Variants in UHMK1 observed in about 807,000 individuals in gnomAD.
UHMK1 encodes U2AF homology motif kinase 1, also known as serine/threonine-protein kinase Kist.
A neutral mutation model predicts 44.0 loss-of-function variants in UHMK1; 18 were observed. The ratio of observed to expected loss-of-function variants is 0.41; its 90% CI spans 0.28 to 0.61. The LOEUF (loss-of-function observed/expected upper bound fraction) is 0.61. Among genes scored for constraint, UHMK1 ranks in the 20% least tolerant of loss-of-function variants. The probability of loss-of-function intolerance (pLI) is 0.31; values close to 1 mark genes in which losing one functional copy is unlikely to be tolerated. For synonymous variants in UHMK1, 231 were observed against 198.5 expected (o/e 1.16, Z -1.38); for missense variants, 463 against 522.5 (o/e 0.89, Z 1.11).
Position 162,500,066 on chromosome 1 carries a change from A to G in UHMK1, c.380A>G (p.His127Arg). The change falls in exon 2 of 8, where the codon CAC becomes CGC. Residue 127 changes from histidine (H) to arginine (R), a missense_variant. By Grantham distance (29) the His-to-Arg change is conservative. Around this residue, in one of 3 missense-constraint regions of UHMK1, gnomAD observed 191 missense variants for 176.0 expected, o/e 1.09. Coordinates refer to ENST00000489294, the MANE Select transcript of UHMK1 (RefSeq NM_175866.5). ...SVSELLLYSSHQGCSMWMIQH... is the reference protein window; with the variant it reads ...SVSELLLYSSRQGCSMWMIQH... ...TCGGAATTGCTCTTATATTCCAGTCACCAGGGTTGTTCCATGTGGATGATA... is the reference window on the plus strand; with the variant it reads ...TCGGAATTGCTCTTATATTCCAGTCGCCAGGGTTGTTCCATGTGGATGATA... 6.2e-7 allele frequency: 1 copy of G among 1,614,198 alleles called. No homozygotes were observed. Among genetic ancestry groups the G allele is most frequent in the Non-Finnish European group, 8.5e-7 (1 of 1,180,044 alleles).
chr1:162,504,964 G>A (rs1259126186), intron 4 of UHMK1, among the ~76,000 whole-genome samples: 10 of 151,860 alleles, frequency 6.6e-5, no homozygotes, highest in African/African-American at 4.8e-5. Flanking sequence ...TAGTAGAGAC[G>A]GGGTTTCACC....
Position 162,522,850 on chromosome 1 carries a change from A to G in UHMK1, c.*300A>G, listed in dbSNP as rs961073047. The G allele has an allele frequency of 7.8e-4, 175 of 225,606 alleles. No individual in the cohort carries two copies. The highest frequency in any genetic ancestry group is 9.8e-4 in the Non-Finnish European group (112 of 114,306). 14.0% of individuals were successfully genotyped at this position (225,606 alleles called of 1,614,324 possible). A position where few individuals can be genotyped will look rare whatever the true frequency, so the allele number is the denominator to read the frequency against. Reference sequence around the variant, plus strand: ...AGCCTAAAAAAATCTTAATTATTTCATGGATCATGAAGCAAGGATGAATAA... The same window carrying G: ...AGCCTAAAAAAATCTTAATTATTTCGTGGATCATGAAGCAAGGATGAATAA... On this transcript the variant is annotated 3_prime_UTR_variant, in exon 8 of 8. Transcript: ENST00000489294.
Position 162,498,179 on chromosome 1 carries a change from G to A in UHMK1, c.179G>A (p.Gly60Glu), listed in dbSNP as rs547878763. 5 of 1,613,088 alleles carry A rather than the reference G, an allele frequency of 3.1e-6. No homozygotes were observed. In the African/African-American group the frequency reaches 6.7e-5, roughly 22 times the overall value. ...PGALKQFLPP[G>E]TTGAAASAAE... ...GCCCTCAAGCAGTTCTTGCCGCCAGGAACCACCGGGGCTGCGGCCTCTGCC... is the reference window on the plus strand; with the variant it reads ...GCCCTCAAGCAGTTCTTGCCGCCAGAAACCACCGGGGCTGCGGCCTCTGCC... The change falls in exon 1 of 8, where the codon GGA (glycine) becomes GAA (glutamate). Residue 60 changes from glycine to glutamate, a missense_variant. By Grantham distance (98) the Gly-to-Glu change is moderately conservative. This residue lies in a region of UHMK1 where 191 missense variants were observed against 176.0 expected (regional missense o/e 1.09). Coordinates refer to ENST00000489294, the MANE Select transcript of UHMK1 (RefSeq NM_175866.5).
At chr1:162,503,968 T>C in intron 4 of UHMK1, 120 bp downstream of exon 4, 1 of 758,950 alleles carries the variant, frequency 1.3e-6, no homozygotes, top group Non-Finnish European at 2.0e-6. Flanking sequence ...AGTAATGAAA[T>C]AGTTTTACCA....
Position 162,499,874 on chromosome 1 carries a change from C to T in UHMK1, c.269-81C>T, listed in dbSNP as rs555674838. ...AAAGTTATCCTTATCTAGACTATCT[C>T]AAATTTGTACTGCAGTTACCTACTT... On this transcript the variant is annotated intron_variant, in intron 1 of 7. Coordinates refer to ENST00000489294, the MANE Select transcript of UHMK1 (RefSeq NM_175866.5). 12 of 1,353,244 alleles carry T rather than the reference C, an allele frequency of 8.9e-6. No homozygotes were observed. In the South Asian group the frequency reaches 1.5e-4, roughly 17 times the overall value. 83.8% of individuals were successfully genotyped at this position (1,353,244 alleles called of 1,614,324 possible). A position where few individuals can be genotyped will look rare whatever the true frequency, so the allele number is the denominator to read the frequency against.
intron 4 of UHMK1, among the ~76,000 whole-genome samples, chr1:162,511,708 T>C (rs989842891): frequency 6.6e-6 from 1 of 152,192 alleles, no homozygotes; most frequent in African/African-American, 2.4e-5. Context: ...CTTGTTTTCT[T>C]CTAGTAGTTT....
In UHMK1 at chr1:162,498,101, C is replaced by T; in HGVS notation, c.101C>T (p.Ser34Phe). Residue 34 changes from serine (S) to phenylalanine (F), a missense_variant, in exon 1 of 8, where the codon TCC becomes TTC. This residue lies in a region of UHMK1 where 191 missense variants were observed against 176.0 expected (regional missense o/e 1.09). Coordinates refer to ENST00000489294, the MANE Select transcript of UHMK1 (RefSeq NM_175866.5). ...CAGAGCCGTCTGGGTAGCGGCTCCT[C>T]CGCCTCGGTGTATCGGGTTCGCTGC... ...QVQSRLGSGSSASVYRVRCCG... is the reference protein window; with the variant it reads ...QVQSRLGSGSFASVYRVRCCG... The T allele has an allele frequency of 6.2e-7, 1 of 1,612,112 alleles. No homozygotes were observed. The highest frequency in any genetic ancestry group is 8.5e-7 in the Non-Finnish European group (1 of 1,179,630).
chr1:162,502,586 A>G (rs986756812), intron 3 of UHMK1, among the ~76,000 whole-genome samples: 1 of 152,188 alleles, frequency 6.6e-6, no homozygotes, highest in African/African-American at 2.4e-5. Flanking sequence ...CCTAGAGCTC[A>G]TCAGAACTAG....
upstream of UHMK1, chr1:162,497,220 G>C: frequency 2.9e-6 from 2 of 700,146 alleles, no homozygotes; most frequent in Non-Finnish European, 5.2e-6. Flanking sequence ...GAAGCCTCCA[G>C]GTACCAGGCT....
intron 1 of UHMK1, 78 bp from the exon 2 acceptor site, chr1:162,499,877 A>G: frequency 7.3e-7 from 1 of 1,377,514 alleles, no homozygotes; most frequent in Non-Finnish European, 1.0e-6. Context: ...ACTATCTCAA[A>G]TTTGTACTGC....
rs1455116322 is a variant in UHMK1 at position 162,498,142 on chromosome 1, T to G, written c.142T>G (p.Ser48Ala). ...GGTTCGCTGCTGCGGCAACCCTGGCTCGCCCCCCGGCGCCCTCAAGCAGTT... is the reference window on the plus strand; with the variant it reads ...GGTTCGCTGCTGCGGCAACCCTGGCGCGCCCCCCGGCGCCCTCAAGCAGTT... ...YRVRCCGNPG[S>A]PPGALKQFLP... is the part of the protein sequence containing the mutation. Residue 48 changes from serine to alanine, a missense_variant, in exon 1 of 8, where the codon TCG (serine) becomes GCG (alanine). By Grantham distance (99) the Ser-to-Ala change is moderately conservative. Around this residue, in one of 3 missense-constraint regions of UHMK1, gnomAD observed 191 missense variants for 176.0 expected, o/e 1.09. Coordinates refer to ENST00000489294, the MANE Select transcript of UHMK1 (RefSeq NM_175866.5). 3 of 1,612,630 alleles carry G rather than the reference T, an allele frequency of 1.9e-6. No homozygotes were observed. Among genetic ancestry groups the G allele is most frequent in the Middle Eastern group, 1.7e-4 (1 of 6,060 alleles).
chr1:162,500,601 A>T (rs528943814), intron 2 of UHMK1: 3 of 408,944 alleles, frequency 7.3e-6, no homozygotes, highest in Non-Finnish European at 1.3e-5. Context: ...AATGCATATG[A>T]TAGTTCTGCC....
intron 4 of UHMK1, among the ~76,000 whole-genome samples, chr1:162,507,466 AGAGAC>A (rs1327387095): frequency 6.6e-6 from 1 of 151,894 alleles, no homozygotes; most frequent in Non-Finnish European, 1.5e-5. Context: ...TCTTTTTTTA[AGAGAC>A]GAGGTCCCAC....
At chr1:162,520,124 T>C (rs942999448) in intron 7 of UHMK1, among the ~76,000 whole-genome samples, 2 of 152,158 alleles carry the variant, frequency 1.3e-5, no homozygotes, top group African/African-American at 4.8e-5. Flanking sequence ...AACACCTGAA[T>C]TCAAGAGATC....
In UHMK1 at chr1:162,522,572, C is replaced by T. The variant is rs776345014; in HGVS notation, c.*22C>T. On this transcript the variant is annotated 3_prime_UTR_variant, in exon 8 of 8. Transcript: ENST00000489294. ...TTAATCAGTAACCTAAGGACTGTTTCCTTTTTCTCCTCTTCCATTTCTTGG... is the reference window on the plus strand; with the variant it reads ...TTAATCAGTAACCTAAGGACTGTTTTCTTTTTCTCCTCTTCCATTTCTTGG... 6.2e-7 allele frequency: 1 copy of T among 1,603,724 alleles called. No homozygotes were observed.
intron 4 of UHMK1, among the ~76,000 whole-genome samples, chr1:162,508,872 TCACAGCTCAC>T (rs1651569702): frequency 3.3e-5 from 5 of 152,034 alleles, no homozygotes; most frequent in Admixed American, 3.3e-4. Context: ...CATGGTGTGA[TCACAGCTCAC>T]TGCAGCTTTA....
intron 7 of UHMK1, among the ~76,000 whole-genome samples, chr1:162,519,323 A>AT (rs1363044234): frequency 6.6e-6 from 1 of 151,754 alleles, no homozygotes; most frequent in African/African-American, 2.4e-5. Context: ...CTTAAAAAAA[A>AT]AAAAAACAGT....
chr1:162,529,086 T>C lies in UHMK1; in HGVS notation c.*6536T>C, dbSNP rs1281833473. 6.6e-6 allele frequency: 1 copy of C among 152,120 alleles called. No individual in the cohort carries two copies. The highest frequency in any genetic ancestry group is 2.4e-5 in the African/African-American group (1 of 41,448). 9.4% of individuals were successfully genotyped at this position (152,120 alleles called of 1,614,324 possible). A position where few individuals can be genotyped will look rare whatever the true frequency, so the allele number is the denominator to read the frequency against. On this transcript the variant is annotated 3_prime_UTR_variant, in exon 8 of 8. Coordinates refer to ENST00000489294, the MANE Select transcript of UHMK1 (RefSeq NM_175866.5). ...AACCAAAGCCAGTTACAAGGAGTAA[T>C]CTCTCCTGTTGGTTTACCTTCACCT...
Position 162,523,309 on chromosome 1 carries a change from C to T in UHMK1, c.*759C>T, listed in dbSNP as rs1279634224. 2 of 152,566 alleles carry T rather than the reference C, an allele frequency of 1.3e-5. No homozygotes were observed. The highest frequency in any genetic ancestry group is 4.8e-5 in the African/African-American group (2 of 41,432). 9.5% of individuals were successfully genotyped at this position (152,566 alleles called of 1,614,324 possible). A position where few individuals can be genotyped will look rare whatever the true frequency, so the allele number is the denominator to read the frequency against. On this transcript the variant is annotated 3_prime_UTR_variant, in exon 8 of 8. Transcript: ENST00000489294. ...ACAGTCTATACTTATTTCTTCCCTA[C>T]CTGTTTCACATCCGTAAGATTTAAG...
Sources: gnomAD v4.1 joint callset for allele counts (sites outside exome capture counted in the v4.1 genomes callset) on GRCh38, gnomAD v4.1.1 for gene constraint, gnomAD v4.1.1 regional missense constraint, MANE v1.5 for transcripts, NCBI Gene and HGNC (gene_info 2026-07-23, HGNC 2026-07-21) for gene names.